The following RASSF3 variants were observed in gnomAD, a reference collection of about 807,000 sequenced individuals.
The protein encoded by RASSF3 is ras association domain-containing protein 3.
RASSF3 carries 19 observed loss-of-function variants against 19.9 expected under a neutral mutation model. The observed-to-expected ratio is 0.96, with a 90% CI of 0.67 to 1.40. The LOEUF is 1.40. RASSF3 is among the 40% of genes most tolerant of loss of function. RASSF3 has a pLI of 0.00. For synonymous variants in RASSF3, 110 were observed against 104.2 expected (o/e 1.06, Z -0.34); for missense variants, 306 against 289.8 (o/e 1.06, Z -0.41).
intron 1 of RASSF3, chr12:64,622,540 A>G (rs374151873): frequency 1.9e-5 from 10 of 523,122 alleles, no homozygotes; most frequent in Non-Finnish European, 3.1e-5. Flanking sequence ...TGCAAAAGTA[A>G]TTGCGGTTTT....
intron 2 of RASSF3, among the ~76,000 whole-genome samples, chr12:64,558,369 G>A (rs1241471267): frequency 6.6e-6 from 1 of 152,140 alleles, no homozygotes; most frequent in Non-Finnish European, 1.5e-5. Flanking sequence ...TTCCATGGGA[G>A]ATGCTTTCTG....
intron 1 of RASSF3, among the ~76,000 whole-genome samples, chr12:64,539,649 G>A (rs1868901606): frequency 6.6e-6 from 1 of 152,058 alleles, no homozygotes; most frequent in Admixed American, 6.6e-5. Flanking sequence ...GGTAGTATAT[G>A]CCTGTAGTCA....
chr12:64,686,705 C>T lies in RASSF3; in HGVS notation c.220-1511C>T, dbSNP rs906244645. Among the ~76,000 whole-genome samples the T allele has an allele frequency of 7.3e-5, 11 of 150,898 alleles. 3 individuals are homozygous for T. The highest frequency in any genetic ancestry group is 1.3e-4 in the Admixed American group (2 of 15,180). On this transcript the variant is annotated intron_variant, in intron 2 of 4. Coordinates refer to ENST00000542104, the MANE Select transcript of RASSF3 (RefSeq NM_178169.4). ...AGCCAGGCATGGTGGCGGGTGCCTG[C>T]AGTCCCAGCTACTCAGGAGGCTGAG...
At chr12:64,649,203 C>CT (rs1466713477) in intron 1 of RASSF3, among the ~76,000 whole-genome samples, 6 of 136,958 alleles carry the variant, frequency 4.4e-5, no homozygotes, top group Non-Finnish European at 9.7e-5. Context: ...TTTTTTTTTT[C>CT]TTTTTTTGGG....
At chr12:64,652,615 G>A (rs1565861627) in intron 1 of RASSF3, among the ~76,000 whole-genome samples, 1 of 152,192 alleles carries the variant, frequency 6.6e-6, no homozygotes, top group African/African-American at 2.4e-5. Flanking sequence ...CACTCTGGGA[G>A]TGTCCAATCC....
chr12:64,617,268 T>C (rs916928062), intron 1 of RASSF3, among the ~76,000 whole-genome samples: 1 of 152,266 alleles, frequency 6.6e-6, no homozygotes, highest in Non-Finnish European at 1.5e-5. Flanking sequence ...TTATATACTT[T>C]CCCCTTGTTT....
At chr12:64,649,356 C>T (rs567598523) in intron 1 of RASSF3, among the ~76,000 whole-genome samples, 13 of 152,110 alleles carry the variant, frequency 8.5e-5, no homozygotes, top group African/African-American at 3.1e-4. Flanking sequence ...CCACACCCGG[C>T]TAATTTTTCG....
chr12:64,524,133 C>G (rs954987041), intron 1 of RASSF3, among the ~76,000 whole-genome samples: 1 of 151,582 alleles, frequency 6.6e-6, no homozygotes, highest in African/African-American at 2.4e-5. Flanking sequence ...CTCACTGCAG[C>G]CTCCTCTTCC....
chr12:64,572,788 GT>G (rs1353389729), intron 2 of RASSF3, among the ~76,000 whole-genome samples: 1 of 152,130 alleles, frequency 6.6e-6, no homozygotes, highest in South Asian at 2.1e-4. Context: ...TATGAAGCTT[GT>G]TTTTTTGTTT....
At chr12:64,611,753 A>G (rs1246364891) in intron 1 of RASSF3, 1 of 152,270 alleles carries the variant, frequency 6.6e-6, no homozygotes, top group Non-Finnish European at 1.5e-5. Flanking sequence ...AGAATCGTTC[A>G]GGGGCCGGAT....
At chr12:64,526,412 C>T (rs1284276820) in intron 1 of RASSF3, among the ~76,000 whole-genome samples, 1 of 152,160 alleles carries the variant, frequency 6.6e-6, no homozygotes, top group Non-Finnish European at 1.5e-5. Flanking sequence ...CAAACTTATT[C>T]CTTCTGTCTA....
chr12:64,543,641 G>A (rs1592395733), downstream of RASSF3, among the ~76,000 whole-genome samples: 3 of 148,212 alleles, frequency 2.0e-5, no homozygotes, highest in Admixed American at 1.4e-4. Flanking sequence ...GAGTGCGGGC[G>A]CACGGCGCGG....
intron 1 of RASSF3, among the ~76,000 whole-genome samples, chr12:64,521,939 G>A (rs1038937052): frequency 6.6e-6 from 1 of 152,182 alleles, no homozygotes; most frequent in Non-Finnish European, 1.5e-5. Context: ...CCAAATGCTG[G>A]GAACACAGCC....
At chr12:64,600,460 TCCC>T (rs1369485602) in intron 2 of RASSF3, among the ~76,000 whole-genome samples, 1 of 152,230 alleles carries the variant, frequency 6.6e-6, no homozygotes, top group Non-Finnish European at 1.5e-5. Flanking sequence ...TCGGTAAATT[TCCC>T]AACTATTTGA....
intron 2 of RASSF3, among the ~76,000 whole-genome samples, chr12:64,598,084 T>C (rs553235342): frequency 7.8e-4 from 118 of 151,158 alleles, no homozygotes; most frequent in Non-Finnish European, 1.1e-3. Context: ...GCCCAGCTAA[T>C]TTTTTTGTAT....
chr12:64,614,699 C>CTTTTT (rs11334564), intron 1 of RASSF3, among the ~76,000 whole-genome samples: 5 of 129,484 alleles, frequency 3.9e-5, no homozygotes, highest in African/African-American at 5.8e-5. Flanking sequence ...CTTTTCTTTT[C>CTTTTT]TTTTTTTTTT....
chr12:64,618,283 G>A (rs1017247519), intron 1 of RASSF3, among the ~76,000 whole-genome samples: 26 of 152,024 alleles, frequency 1.7e-4, no homozygotes, highest in African/African-American at 6.3e-4. Context: ...GGTAGTTCTG[G>A]TTTGGCTATC....
chr12:64,523,951 T>G (rs1221964251), intron 1 of RASSF3, among the ~76,000 whole-genome samples: 4 of 151,890 alleles, frequency 2.6e-5, no homozygotes, highest in African/African-American at 9.7e-5. Flanking sequence ...CCTGAGCTCA[T>G]CGGGGTGACT....
intron 1 of RASSF3, among the ~76,000 whole-genome samples, chr12:64,675,073 C>T (rs1448136867): frequency 7.4e-6 from 1 of 134,814 alleles, no homozygotes; most frequent in Non-Finnish European, 1.6e-5. Flanking sequence ...ACCCCGGCTT[C>T]TTGCTTAACA....
Sources: allele counts gnomAD v4.1 joint callset (sites outside exome capture counted in the v4.1 genomes callset), GRCh38; gene constraint gnomAD v4.1.1; transcripts MANE v1.5; gene names NCBI Gene and HGNC (gene_info 2026-07-23, HGNC 2026-07-21).